Variants in TCP11L2 observed in about 807,000 individuals in gnomAD.
The protein encoded by TCP11L2 is t-complex 11 like 2, also known as T-complex protein 11-like protein 2.
TCP11L2 carries 39 observed loss-of-function variants against 50.7 expected under a neutral mutation model. The ratio of observed to expected loss-of-function variants is 0.77; its 90% CI spans 0.60 to 1.01. TCP11L2 has a LOEUF of 1.01. Among genes scored for constraint, TCP11L2 ranks in the 50% least tolerant of loss-of-function variants. The pLI, the probability that TCP11L2 is intolerant of heterozygous loss-of-function variation, is 0.00. For synonymous variants in TCP11L2, 192 were observed against 219.3 expected (o/e 0.88, Z 1.10); for missense variants, 612 against 614.7 (o/e 1.00, Z 0.05).
At chr12:106,310,060 G>A (rs1279912108) in intron 1 of TCP11L2, among the ~76,000 whole-genome samples, 1 of 152,102 alleles carries the variant, frequency 6.6e-6, no homozygotes, top group Non-Finnish European at 1.5e-5. Flanking sequence ...ATCAAGGTCA[G>A]CTCCCTCACG....
At position 106,336,193 on chromosome 12, in the gene TCP11L2, A is replaced by G. The variant is rs776525479; in HGVS notation, c.1122A>G (p.Leu374=). The G allele has an allele frequency of 3.1e-6, 5 of 1,609,704 alleles. No homozygotes were observed. The highest frequency in any genetic ancestry group is 4.2e-6 in the Non-Finnish European group (5 of 1,178,718). ...GGTTAACAAGGATTTCAGCTGTTCT[A>G]CTTGAAGGCATGAACAAAGAGTAAG... ...ASRLTRISAV[L]LEGMNKETFN... is the part of the protein sequence containing the mutation. Residue 374 remains leucine (L), a synonymous_variant, in exon 8 of 10, where the codon CTA becomes CTG. Coordinates refer to ENST00000299045, the MANE Select transcript of TCP11L2 (RefSeq NM_152772.3).
At chr12:106,318,117 G>A (rs1471690419) in intron 3 of TCP11L2, among the ~76,000 whole-genome samples, 1 of 152,112 alleles carries the variant, frequency 6.6e-6, no homozygotes, top group Admixed American at 6.5e-5. Context: ...CAAGGTCTAG[G>A]GGAAACAAGA....
chr12:106,302,320 C>CAGCCCCCGCTCAG (rs199615546), upstream of TCP11L2, among the ~76,000 whole-genome samples: 63 of 40,080 alleles, frequency 1.6e-3, 11 homozygotes, highest in East Asian at 2.8e-3. Context: ...AGCCCCCGCT[C>CAGCCCCCGCTCAG]CCCCCGCTCA....
intron 3 of TCP11L2, among the ~76,000 whole-genome samples, chr12:106,316,190 C>T (rs2035072783): frequency 6.6e-6 from 1 of 152,198 alleles, no homozygotes; most frequent in African/African-American, 2.4e-5. Context: ...GTGGCCTGGA[C>T]CCTTTCAGTC....
chr12:106,329,213 T>C (rs764216764), intron 6 of TCP11L2: 21 of 1,263,584 alleles, frequency 1.7e-5, no homozygotes, highest in Admixed American at 4.0e-5. Context: ...GTGCAGGGAC[T>C]GTGCTTATTT....
chr12:106,304,909 C>T (rs1177638327), intron 1 of TCP11L2, among the ~76,000 whole-genome samples: 2 of 152,126 alleles, frequency 1.3e-5, no homozygotes, highest in South Asian at 2.1e-4. Flanking sequence ...TTTTGGGTGA[C>T]GTACTCCTTC....
chr12:106,335,153 C>CT (rs1428983327), intron 6 of TCP11L2, among the ~76,000 whole-genome samples: 1 of 152,164 alleles, frequency 6.6e-6, no homozygotes, highest in Non-Finnish European at 1.5e-5. Context: ...TAATTATACT[C>CT]TATTTTCTCT....
At chr12:106,338,160 GC>G (rs1317164113) in intron 8 of TCP11L2, among the ~76,000 whole-genome samples, 1 of 152,114 alleles carries the variant, frequency 6.6e-6, no homozygotes, top group Non-Finnish European at 1.5e-5. Flanking sequence ...ATTGATTTTT[GC>G]TTTTTTTCCC....
At chr12:106,305,850 C>T (rs1359251888) in intron 1 of TCP11L2, among the ~76,000 whole-genome samples, 2 of 152,118 alleles carry the variant, frequency 1.3e-5, no homozygotes, top group Non-Finnish European at 2.9e-5. Context: ...GGAAGTTTGG[C>T]ATGTCTGAGG....
intron 6 of TCP11L2, chr12:106,329,852 CA>C: frequency 1.0e-6 from 1 of 985,774 alleles, no homozygotes; most frequent in Non-Finnish European, 1.2e-6. Flanking sequence ...CTTTATAAAA[CA>C]GAACTAGCAA....
intron 3 of TCP11L2, among the ~76,000 whole-genome samples, chr12:106,316,943 A>T (rs980786638): frequency 6.6e-6 from 1 of 152,214 alleles, no homozygotes; most frequent in African/African-American, 2.4e-5. Context: ...AAAAGTGGCG[A>T]GTACAGGCCA....
intron 4 of TCP11L2, among the ~76,000 whole-genome samples, chr12:106,319,066 C>T (rs950500845): frequency 1.5e-4 from 23 of 152,240 alleles, no homozygotes; most frequent in Non-Finnish European, 2.2e-4. Flanking sequence ...CGCCCGCCAC[C>T]GCGCCCAGCT....
chr12:106,307,995 G>A (rs937524585), intron 1 of TCP11L2, among the ~76,000 whole-genome samples: 2 of 152,116 alleles, frequency 1.3e-5, no homozygotes, highest in Non-Finnish European at 2.9e-5. Context: ...GTAATAATGG[G>A]CATTTTGGCT....
At chr12:106,339,583 TC>T (rs1462782956) in intron 8 of TCP11L2, among the ~76,000 whole-genome samples, 7 of 152,356 alleles carry the variant, frequency 4.6e-5, no homozygotes, top group Admixed American at 4.6e-4. Flanking sequence ...TCCTGGGTCT[TC>T]CTTTAGGGTT....
At chr12:106,340,799 G>T in intron 8 of TCP11L2, 27 bp from the exon 9 acceptor site, 1 of 1,548,184 alleles carries the variant, frequency 6.5e-7, no homozygotes, top group Non-Finnish European at 8.7e-7. Context: ...AACTTTCCCT[G>T]GTGGAATTTC....
intron 8 of TCP11L2, among the ~76,000 whole-genome samples, chr12:106,337,993 G>A (rs1422222094): frequency 6.6e-6 from 1 of 151,992 alleles, no homozygotes; most frequent in Admixed American, 6.6e-5. Flanking sequence ...TTAAAAAAAG[G>A]GATAGTACTA....
At chr12:106,345,620 G>A (rs895397214) in intron 9 of TCP11L2, among the ~76,000 whole-genome samples, 2 of 151,106 alleles carry the variant, frequency 1.3e-5, no homozygotes, top group Non-Finnish European at 2.9e-5. Context: ...ATTAACTTTT[G>A]TAGAAGATTC....
At chr12:106,335,204 G>T (rs190027357) in intron 6 of TCP11L2, among the ~76,000 whole-genome samples, 1 of 152,270 alleles carries the variant, frequency 6.6e-6, no homozygotes, top group East Asian at 1.9e-4. Flanking sequence ...AAAAATGTGT[G>T]AAAATTAATG....
chr12:106,310,048 A>T (rs564358454), intron 1 of TCP11L2, among the ~76,000 whole-genome samples: 5 of 152,010 alleles, frequency 3.3e-5, no homozygotes, highest in African/African-American at 1.2e-4. Context: ...TACCATATTC[A>T]CATCAAGGTC....
Sources: allele counts gnomAD v4.1 joint callset (sites outside exome capture counted in the v4.1 genomes callset), GRCh38; gene constraint gnomAD v4.1.1; transcripts MANE v1.5; gene names NCBI Gene and HGNC (gene_info 2026-07-23, HGNC 2026-07-21).